ATP9B: variants seen among roughly 807,000 people sequenced by gnomAD.
ATP9B encodes ATPase phospholipid transporting 9B, also known as probable phospholipid-transporting ATPase IIB.
A neutral mutation model predicts 146.1 loss-of-function variants in ATP9B; 110 were observed. The observed-to-expected ratio is 0.75, with a 90% CI of 0.65 to 0.88. The LOEUF is 0.88. Among genes scored for constraint, ATP9B ranks in the 40% least tolerant of loss-of-function variants. The pLI, the probability that ATP9B is intolerant of heterozygous loss-of-function variation, is 0.00. For synonymous variants in ATP9B, 604 were observed against 569.7 expected, an observed-to-expected ratio of 1.06 and a Z score of -0.86; for missense variants, 1,499 against 1,496.4, an observed-to-expected ratio of 1.00 and a Z score of -0.03.
At chr18:79,071,884 GTTTTGTTT>G (rs2071875586) in intron 1 of ATP9B, among the ~76,000 whole-genome samples, 1 of 79,872 alleles carries the variant, frequency 1.3e-5, no homozygotes. Flanking sequence ...TTCATGTTTG[GTTTTGTTT>G]TTTTTTTTTT....
intron 4 of ATP9B, among the ~76,000 whole-genome samples, chr18:79,122,066 C>T (rs2094199002): frequency 6.6e-6 from 1 of 152,060 alleles, no homozygotes; most frequent in African/African-American, 2.4e-5. Flanking sequence ...GAGGTCTCTT[C>T]CCTGGAAATT....
intron 7 of ATP9B, among the ~76,000 whole-genome samples, chr18:79,160,433 G>C (rs922270745): frequency 6.6e-6 from 1 of 152,100 alleles, no homozygotes; most frequent in African/African-American, 2.4e-5. Context: ...TATTTGTCCT[G>C]TTTTACAAAT....
chr18:79,209,352 G>C (rs1403263750), intron 10 of ATP9B, among the ~76,000 whole-genome samples: 2 of 152,236 alleles, frequency 1.3e-5, no homozygotes, highest in African/African-American at 4.8e-5. Context: ...CGTGAAGATA[G>C]TAATGCTTCC....
At chr18:79,177,038 A>C (rs1203036849) in intron 8 of ATP9B, 131 bp downstream of exon 8, 11 of 719,932 alleles carry the variant, frequency 1.5e-5, no homozygotes, top group Non-Finnish European at 2.2e-5. Context: ...TTTATTCCTC[A>C]TGAAGGTTCA....
intron 15 of ATP9B, among the ~76,000 whole-genome samples, chr18:79,312,191 C>A (rs2096656537): frequency 2.6e-5 from 4 of 152,208 alleles, no homozygotes; most frequent in Admixed American, 1.3e-4. Flanking sequence ...CATCCAAATG[C>A]TCTTCCGGCC....
chr18:79,230,342 A>G (rs1213506381), intron 11 of ATP9B, among the ~76,000 whole-genome samples: 1 of 152,212 alleles, frequency 6.6e-6, no homozygotes, highest in Admixed American at 6.5e-5. Context: ...AAAAGCTCCT[A>G]GAACTAGTGA....
intron 12 of ATP9B, among the ~76,000 whole-genome samples, chr18:79,256,127 A>G (rs1005306696): frequency 1.3e-4 from 19 of 151,554 alleles, no homozygotes; most frequent in Admixed American, 1.1e-3. Flanking sequence ...AATTTTTAAT[A>G]TCATGTATGT....
intron 21 of ATP9B, among the ~76,000 whole-genome samples, chr18:79,344,622 G>A (rs1336211282): frequency 6.6e-6 from 1 of 152,234 alleles, no homozygotes; most frequent in African/African-American, 2.4e-5. Context: ...CGTAGCAGCG[G>A]TATCTGCCGC....
At chr18:79,351,420 A>G (rs1459965879) in intron 25 of ATP9B, among the ~76,000 whole-genome samples, 1 of 152,230 alleles carries the variant, frequency 6.6e-6, no homozygotes, top group Non-Finnish European at 1.5e-5. Flanking sequence ...TTAAGCACTC[A>G]TACTCTGAAT....
At chr18:79,169,520 G>A (rs947292688) in intron 7 of ATP9B, among the ~76,000 whole-genome samples, 9 of 152,140 alleles carry the variant, frequency 5.9e-5, no homozygotes, top group African/African-American at 2.2e-4. Flanking sequence ...GCGTTCCCAC[G>A]GAGTGTTTTT....
At chr18:79,377,183 G>C in intron 29 of ATP9B, 64 bp from the exon 30 acceptor site, 2 of 1,588,088 alleles carry the variant, frequency 1.3e-6, no homozygotes, top group East Asian at 2.2e-5. Flanking sequence ...GTCTGTGGCT[G>C]TGGCCATGAG....
chr18:79,217,485 G>C (rs780120552), intron 11 of ATP9B, among the ~76,000 whole-genome samples: 12 of 152,222 alleles, frequency 7.9e-5, no homozygotes, highest in Non-Finnish European at 1.5e-4. Context: ...CGCCCCGCCA[G>C]ATTTGGTATT....
chr18:79,174,817 G>T (rs763074704), intron 7 of ATP9B, among the ~76,000 whole-genome samples: 1 of 151,976 alleles, frequency 6.6e-6, no homozygotes, highest in Non-Finnish European at 1.5e-5. Context: ...CTCCTGTATA[G>T]TCCTGTTTCT....
intron 25 of ATP9B, among the ~76,000 whole-genome samples, chr18:79,357,465 G>C (rs2096961644): frequency 9.7e-5 from 2 of 20,642 alleles, no homozygotes; most frequent in Admixed American, 3.9e-4. Flanking sequence ...AGGTGTCTGT[G>C]TGAGGGGTGC....
At chr18:79,311,399 G>A (rs2096651546) in intron 15 of ATP9B, among the ~76,000 whole-genome samples, 1 of 152,126 alleles carries the variant, frequency 6.6e-6, no homozygotes, top group South Asian at 2.1e-4. Flanking sequence ...GCTCAGCTGA[G>A]GTTGTCCAGG....
At chr18:79,117,464 G>T (rs1390394996) in intron 4 of ATP9B, 2 of 152,270 alleles carry the variant, frequency 1.3e-5, no homozygotes, top group African/African-American at 2.4e-5. Context: ...CATCTTACTG[G>T]TAAAACAGTC....
intron 26 of ATP9B, among the ~76,000 whole-genome samples, chr18:79,368,031 G>T (rs1247954679): frequency 6.6e-6 from 1 of 152,224 alleles, no homozygotes; most frequent in Admixed American, 6.5e-5. Context: ...CACGGTGCGT[G>T]TCTGTGTCTC....
chr18:79,267,626 TATTTC>T (rs890607947), intron 12 of ATP9B, among the ~76,000 whole-genome samples: 1 of 152,234 alleles, frequency 6.6e-6, no homozygotes, highest in African/African-American at 2.4e-5. Context: ...ATTACAAACT[TATTTC>T]TTATCTTAAT....
At chr18:79,324,244 A>G (rs2096732103) in intron 15 of ATP9B, among the ~76,000 whole-genome samples, 1 of 151,862 alleles carries the variant, frequency 6.6e-6, no homozygotes, top group African/African-American at 2.4e-5. Context: ...ATTTTCTCTC[A>G]TTCTGTGGGT....
Sources: allele counts gnomAD v4.1 joint callset (sites outside exome capture counted in the v4.1 genomes callset), GRCh38; gene constraint gnomAD v4.1.1; transcripts MANE v1.5; gene names NCBI Gene and HGNC (gene_info 2026-07-23, HGNC 2026-07-21).